The following ASPRV1 variants were observed in gnomAD, a reference collection of about 807,000 sequenced individuals.
ASPRV1 encodes the protein retroviral-like aspartic protease 1.
In ASPRV1, 7 loss-of-function variants were observed where a neutral mutation model predicts 11.0. The observed-to-expected ratio is 0.64, with a 90% CI of 0.36 to 1.20. The LOEUF (loss-of-function observed/expected upper bound fraction) is 1.20, where lower values mean the gene tolerates loss of function less well. Ranked by LOEUF, ASPRV1 falls within the 50% of genes most tolerant of loss-of-function variation. ASPRV1 has a pLI of 0.02. For synonymous variants in ASPRV1, 136 were observed against 138.4 expected (o/e 0.98, Z 0.12); for missense variants, 299 against 320.0 (o/e 0.93, Z 0.50).
At chr2:70,028,240 G>C in the ASPRV1 span, among the ~76,000 whole-genome samples, 2 of 152,140 alleles carry the variant, frequency 1.3e-5, no homozygotes, top group East Asian at 1.9e-4. Flanking sequence ...TACTGAGAAC[G>C]GAGTGTGATG....
the ASPRV1 span, chr2:70,055,623 G>C: frequency 6.6e-6 from 1 of 150,852 alleles, no homozygotes; most frequent in African/African-American, 2.4e-5. Flanking sequence ...CATCAGGGCT[G>C]TTGGGGGGTG....
chr2:70,065,390 C>CAAAAAAAAA, the ASPRV1 span, among the ~76,000 whole-genome samples: 2 of 52,734 alleles, frequency 3.8e-5, no homozygotes, highest in Non-Finnish European at 7.8e-5. Flanking sequence ...GACACCATCT[C>CAAAAAAAAA]AAAAAAAAAA....
chr2:70,021,476 G>T, the ASPRV1 span, among the ~76,000 whole-genome samples: 4 of 151,126 alleles, frequency 2.6e-5, no homozygotes, highest in Non-Finnish European at 5.9e-5. Context: ...ACACTGCCAC[G>T]CCCGGCTAAT....
chr2:69,943,007 G>A, the ASPRV1 span: 1 of 152,168 alleles, frequency 6.6e-6, no homozygotes, highest in Admixed American at 6.5e-5. Flanking sequence ...TTGCAGAACT[G>A]CGTTCATCAG....
chr2:70,084,072 G>A, the ASPRV1 span, among the ~76,000 whole-genome samples: 4 of 152,138 alleles, frequency 2.6e-5, no homozygotes, highest in Non-Finnish European at 5.9e-5. Context: ...TAAGACTCTC[G>A]GGGAAGGAGG....
chr2:70,052,968 T>C, the ASPRV1 span, among the ~76,000 whole-genome samples: 1 of 152,112 alleles, frequency 6.6e-6, no homozygotes, highest in Non-Finnish European at 1.5e-5. Context: ...CCTACATCTT[T>C]CTATGAGCAG....
chr2:70,041,685 G>C, the ASPRV1 span, among the ~76,000 whole-genome samples: 2 of 152,172 alleles, frequency 1.3e-5, no homozygotes, highest in African/African-American at 4.8e-5. Flanking sequence ...GGGTGCTCAG[G>C]AGCACTCTAG....
chr2:69,947,036 C>A, the ASPRV1 span, among the ~76,000 whole-genome samples: 1 of 152,330 alleles, frequency 6.6e-6, no homozygotes, highest in Middle Eastern at 3.4e-3. Context: ...TTCACACGTA[C>A]CTTTGCACTG....
chr2:70,071,204 G>A, the ASPRV1 span, among the ~76,000 whole-genome samples: 1 of 152,176 alleles, frequency 6.6e-6, no homozygotes, highest in Non-Finnish European at 1.5e-5. Flanking sequence ...CTTCAAGGAG[G>A]AAAGGAAAGC....
the ASPRV1 span, among the ~76,000 whole-genome samples, chr2:70,017,507 A>G: frequency 2.0e-5 from 3 of 151,614 alleles, no homozygotes; most frequent in Non-Finnish European, 4.4e-5. Context: ...AGACACTTCT[A>G]TTGAAAACAG....
the ASPRV1 span, among the ~76,000 whole-genome samples, chr2:69,980,510 T>A: frequency 1.3e-5 from 2 of 152,106 alleles, no homozygotes; most frequent in African/African-American, 4.8e-5. Context: ...ATCTAAGAAG[T>A]CTCACAAATA....
the ASPRV1 span, among the ~76,000 whole-genome samples, chr2:69,946,474 G>A: frequency 2.0e-5 from 3 of 152,190 alleles, no homozygotes; most frequent in Non-Finnish European, 4.4e-5. Context: ...AGGGCTGCTA[G>A]GGGGATTAAG....
chr2:69,947,046 G>T, the ASPRV1 span, among the ~76,000 whole-genome samples: 2 of 152,214 alleles, frequency 1.3e-5, no homozygotes, highest in East Asian at 3.8e-4. Context: ...CCTTTGCACT[G>T]CAAATTCAGA....
the ASPRV1 span, chr2:69,940,121 G>C: frequency 8.1e-6 from 1 of 122,846 alleles, no homozygotes; most frequent in Admixed American, 9.2e-5. Flanking sequence ...GGCTTTGGGT[G>C]GGGGGAGGGG....
At chr2:69,983,579 G>A in the ASPRV1 span, among the ~76,000 whole-genome samples, 1 of 152,142 alleles carries the variant, frequency 6.6e-6, no homozygotes, top group African/African-American at 2.4e-5. Context: ...TGGCAGGCAG[G>A]GAGATGGTGT....
At chr2:69,945,791 G>A in the ASPRV1 span, among the ~76,000 whole-genome samples, 2,287 of 152,326 alleles carry the variant, frequency 0.015, 58 homozygotes, top group African/African-American at 0.052. Context: ...AGGTCTGAGC[G>A]GGTGGACTGG....
chr2:69,995,249 C>T, the ASPRV1 span: 3 of 151,202 alleles, frequency 2.0e-5, no homozygotes, highest in Admixed American at 6.6e-5. Context: ...ATTAGCCAGG[C>T]GTGGTGACGG....
the ASPRV1 span, among the ~76,000 whole-genome samples, chr2:70,047,154 G>A: frequency 6.6e-6 from 1 of 152,148 alleles, no homozygotes; most frequent in Non-Finnish European, 1.5e-5. Context: ...TCAGTCCTGG[G>A]ATACAGCAGC....
At chr2:70,084,645 T>C in the ASPRV1 span, among the ~76,000 whole-genome samples, 1 of 152,228 alleles carries the variant, frequency 6.6e-6, no homozygotes, top group Non-Finnish European at 1.5e-5. Flanking sequence ...ATATAAAGAA[T>C]AGAAATTACC....
Sources: allele counts gnomAD v4.1 joint callset (sites outside exome capture counted in the v4.1 genomes callset), GRCh38; gene constraint gnomAD v4.1.1; transcripts MANE v1.5; gene names NCBI Gene and HGNC (gene_info 2026-07-23, HGNC 2026-07-21).